The following LHFPL6 variants were observed in gnomAD, a reference collection of about 807,000 sequenced individuals.
LHFPL6 encodes LHFPL tetraspan subfamily member 6 protein.
A neutral mutation model predicts 20.6 loss-of-function variants in LHFPL6; 9 were observed. That is an observed-to-expected ratio of 0.44 (90% confidence interval 0.26 to 0.76). The LOEUF is 0.76. LHFPL6 is among the 30% of genes least tolerant of loss of function. The pLI, the probability that LHFPL6 is intolerant of heterozygous loss-of-function variation, is 0.20. For missense variants in LHFPL6, 218 were observed against 253.5 expected (o/e 0.86, Z 0.95); for synonymous variants, 105 against 98.7 (o/e 1.06, Z -0.38).
At chr13:39,361,305 T>A (rs111375073) in intron 3 of LHFPL6, among the ~76,000 whole-genome samples, 20,187 of 56,374 alleles carry the variant, frequency 0.36, 7,816 homozygotes, top group East Asian at 0.68. Context: ...TCTGAAGAAT[T>A]TTTTTTAATT....
intron 2 of LHFPL6, among the ~76,000 whole-genome samples, chr13:39,537,063 C>T (rs1870642659): frequency 6.6e-6 from 1 of 152,164 alleles, no homozygotes; most frequent in African/African-American, 2.4e-5. Context: ...TAACTGTCTT[C>T]CTACTGATGG....
At chr13:39,397,728 C>T (rs1011824331) in intron 2 of LHFPL6, among the ~76,000 whole-genome samples, 7 of 152,046 alleles carry the variant, frequency 4.6e-5, no homozygotes, top group Non-Finnish European at 7.4e-5. Context: ...CTGGGAGCTT[C>T]GGAAAGAAGC....
rs914803598 is a variant in LHFPL6, at chr13:39,385,183, T to C, written c.386-6657A>G. Among the ~76,000 whole-genome samples the C allele has an allele frequency of 3.9e-5, 6 of 152,218 alleles. No individual in the cohort carries two copies. In the South Asian group the frequency reaches 1.2e-3, roughly 31 times the overall value. On this transcript the variant is annotated intron_variant, in intron 2 of 3. Transcript: ENST00000379589. Reference sequence around the variant, plus strand: ...GGGAAGATTGTTTTTAAAGAGGTTTTAGGATTGTAGAGAGATGCTGCCTCC... The same window carrying C: ...GGGAAGATTGTTTTTAAAGAGGTTTCAGGATTGTAGAGAGATGCTGCCTCC...
rs565808201 is a variant in LHFPL6, at chr13:39,389,315, T to C, written c.386-10789A>G. On this transcript the variant is annotated intron_variant, in intron 2 of 3. Transcript: ENST00000379589. The stretch of plus-strand genomic sequence containing the variant: ...TTGGAAGAAAGGAAGAGTGAGCTTG[T>C]GGGTTGAGAAGGGTCCCAGCGAATG... 8.5e-5 allele frequency among the ~76,000 whole-genome samples: 13 copies of C among 152,216 alleles called. No individual in the cohort carries two copies. The South Asian group carries it at 2.1e-3, about 24-fold the overall frequency.
intron 2 of LHFPL6, among the ~76,000 whole-genome samples, chr13:39,589,993 C>T (rs750802299): frequency 5.3e-5 from 8 of 151,960 alleles, no homozygotes; most frequent in Non-Finnish European, 1.2e-4. Context: ...AAGAATATTC[C>T]CTTATGTTGA....
intron 2 of LHFPL6, among the ~76,000 whole-genome samples, chr13:39,522,670 T>A (rs1016461846): frequency 2.6e-5 from 4 of 152,242 alleles, no homozygotes; most frequent in Non-Finnish European, 5.9e-5. Flanking sequence ...AAATTTCTCT[T>A]GGTCTGTATA....
chr13:39,576,975 CAG>C (rs1483737558), intron 2 of LHFPL6, among the ~76,000 whole-genome samples: 1 of 152,134 alleles, frequency 6.6e-6, no homozygotes, highest in African/African-American at 2.4e-5. Flanking sequence ...TTCTTACCAA[CAG>C]AATGTGTTTA....
chr13:39,442,542 GA>G (rs1872167941), intron 2 of LHFPL6, among the ~76,000 whole-genome samples: 2 of 152,202 alleles, frequency 1.3e-5, no homozygotes, highest in Admixed American at 6.5e-5. Context: ...CATGAAAGAA[GA>G]AGGCATAGGC....
intron 2 of LHFPL6, among the ~76,000 whole-genome samples, chr13:39,486,785 T>G (rs117726310): frequency 1.3e-5 from 2 of 152,206 alleles, no homozygotes; most frequent in African/African-American, 4.8e-5. Context: ...AGAAAAACAG[T>G]GTAGTTCCTT....
intron 2 of LHFPL6, among the ~76,000 whole-genome samples, chr13:39,599,021 T>C (rs1489438317): frequency 6.6e-6 from 1 of 152,186 alleles, no homozygotes; most frequent in African/African-American, 2.4e-5. Context: ...AACATTTAGC[T>C]CTATATAATT....
chr13:39,491,262 A>C (rs545999325), intron 2 of LHFPL6, among the ~76,000 whole-genome samples: 1 of 152,212 alleles, frequency 6.6e-6, no homozygotes, highest in Non-Finnish European at 1.5e-5. Flanking sequence ...GGCAGAAGTG[A>C]CATGTGAAGT....
chr13:39,455,100 A>G (rs1322824344), intron 2 of LHFPL6, among the ~76,000 whole-genome samples: 10 of 152,136 alleles, frequency 6.6e-5, no homozygotes, highest in Admixed American at 6.5e-4. Context: ...TACATGGGTC[A>G]TGGGCTTCCC....
intron 2 of LHFPL6, among the ~76,000 whole-genome samples, chr13:39,409,222 G>A (rs770289475): frequency 1.3e-5 from 2 of 152,178 alleles, no homozygotes; most frequent in African/African-American, 4.8e-5. Context: ...GGGAGGCTGA[G>A]GTGGGCGGAT....
At chr13:39,560,812 G>T (rs1400825796) in intron 2 of LHFPL6, among the ~76,000 whole-genome samples, 2 of 152,088 alleles carry the variant, frequency 1.3e-5, no homozygotes, top group Non-Finnish European at 2.9e-5. Context: ...ACCGCGCCCT[G>T]CTGGGTTATG....
intron 2 of LHFPL6, among the ~76,000 whole-genome samples, chr13:39,581,900 T>G (rs918332375): frequency 6.6e-6 from 1 of 152,188 alleles, no homozygotes; most frequent in Non-Finnish European, 1.5e-5. Context: ...AAAGAAAATG[T>G]CAAAATTCAA....
rs188298670 is a variant in LHFPL6, at chr13:39,508,346, T to C, written c.385+92486A>G. Among the ~76,000 whole-genome samples, 284 of 152,264 alleles carry C rather than the reference T, an allele frequency of 1.9e-3. 1 individual carries two copies. The highest frequency in any genetic ancestry group is 6.5e-3 in the African/African-American group (272 of 41,550). On this transcript the variant is annotated intron_variant, in intron 2 of 3. Transcript: ENST00000379589. Reference sequence around the variant, plus strand: ...GGCCATAATTTACATATAATTACATTAACATACCTGAAGTACACAATTGAT... The same window carrying C: ...GGCCATAATTTACATATAATTACATCAACATACCTGAAGTACACAATTGAT...
chr13:39,470,558 G>A (rs1872917826), intron 2 of LHFPL6, among the ~76,000 whole-genome samples: 1 of 152,088 alleles, frequency 6.6e-6, no homozygotes, highest in South Asian at 2.1e-4. Context: ...GGGATGTAAT[G>A]TATCGCATTT....
At position 39,343,371 on chromosome 13, in the gene LHFPL6, C is replaced by A. The variant is rs1869298267; in HGVS notation, c.*565G>T. 1 of 230,800 alleles carries A rather than the reference C, an allele frequency of 4.3e-6. No homozygotes were observed. Among genetic ancestry groups the A allele is most frequent in the Non-Finnish European group, 8.6e-6 (1 of 116,236 alleles). 14.3% of individuals were successfully genotyped at this position (230,800 alleles called of 1,614,324 possible). ...AAGAAAACAGAGGAGAAATGCACCA[C>A]TAAACCTCCCAGTCTGTGCGATAAT... On this transcript the variant is annotated 3_prime_UTR_variant, in exon 4 of 4. Coordinates refer to ENST00000379589, the MANE Select transcript of LHFPL6 (RefSeq NM_005780.3).
intron 2 of LHFPL6, among the ~76,000 whole-genome samples, chr13:39,430,676 A>G (rs898286970): frequency 1.3e-5 from 2 of 152,176 alleles, no homozygotes; most frequent in African/African-American, 4.8e-5. Context: ...TGCACCAATC[A>G]GCGCTCTGCG....
Sources: gnomAD v4.1 joint callset for allele counts (sites outside exome capture counted in the v4.1 genomes callset) on GRCh38, gnomAD v4.1.1 for gene constraint, MANE v1.5 for transcripts, NCBI Gene and HGNC (gene_info 2026-07-23, HGNC 2026-07-21) for gene names.